Variants in ELF2 observed in about 807,000 individuals in gnomAD.
ELF2 encodes ETS-related transcription factor Elf-2.
ELF2 carries 11 observed loss-of-function variants against 54.8 expected under a neutral mutation model. The observed-to-expected ratio is 0.20, with a 90% confidence interval of 0.13 to 0.33. The LOEUF (loss-of-function observed/expected upper bound fraction) is 0.33, where lower values mean the gene tolerates loss of function less well. Ranked by LOEUF, ELF2 falls within the 10% of genes least tolerant of loss-of-function variation. ELF2 has a pLI of 1.00. For synonymous variants in ELF2, 203 were observed against 245.1 expected, an observed-to-expected ratio of 0.83 and a Z score of 1.61; for missense variants, 513 against 703.0, an observed-to-expected ratio of 0.73 and a Z score of 3.06.
chr4:139,170,263 T>C (rs936451058), intron 1 of ELF2, among the ~76,000 whole-genome samples: 2 of 88,980 alleles, frequency 2.2e-5, no homozygotes, highest in Non-Finnish European at 5.0e-5. Flanking sequence ...AATCGCCTTT[T>C]TTTTTTTTTT....
intron 1 of ELF2, among the ~76,000 whole-genome samples, chr4:139,154,979 T>C (rs1157625757): frequency 1.3e-5 from 2 of 152,184 alleles, no homozygotes; most frequent in Non-Finnish European, 2.9e-5. Flanking sequence ...CTCAAAATCA[T>C]CTTCGGAGAA....
chr4:139,169,155 C>T (rs1028765099), intron 1 of ELF2, among the ~76,000 whole-genome samples: 4 of 151,810 alleles, frequency 2.6e-5, no homozygotes, highest in African/African-American at 9.7e-5. Flanking sequence ...TAAGACCAAC[C>T]TGGCCAAAAT....
chr4:139,175,741 T>C (rs913806177), intron 1 of ELF2, among the ~76,000 whole-genome samples: 1 of 152,192 alleles, frequency 6.6e-6, no homozygotes, highest in Non-Finnish European at 1.5e-5. Flanking sequence ...CGGATTACAA[T>C]TTAAACCATT....
intron 8 of ELF2, 122 bp downstream of exon 8, chr4:139,061,742 TC>T: frequency 1.9e-6 from 2 of 1,066,138 alleles, no homozygotes; most frequent in Non-Finnish European, 2.6e-6. Context: ...TCTAAGAAGC[TC>T]CTCTAGAATA....
intron 3 of ELF2, among the ~76,000 whole-genome samples, chr4:139,132,141 G>A (rs767175049): frequency 6.6e-6 from 1 of 151,638 alleles, no homozygotes; most frequent in African/African-American, 2.4e-5. Context: ...CAATGATCCT[G>A]GTAATTAAGA....
At chr4:139,123,044 C>T (rs941371479) in intron 4 of ELF2, among the ~76,000 whole-genome samples, 3 of 151,496 alleles carry the variant, frequency 2.0e-5, no homozygotes, top group South Asian at 2.1e-4. Context: ...ATTAGCTGGG[C>T]GTGGTGGTGT....
rs563970784 is a variant in ELF2 at position 139,084,036 on chromosome 4, C to T, written c.239-10469G>A. 8 of 1,588,618 alleles carry T rather than the reference C, an allele frequency of 5.0e-6. No individual in the cohort carries two copies. The East Asian group carries it at 1.8e-4, about 36-fold the overall frequency. ...CAGTGACTGTGAGGTGGACACTGTA[C>T]CCCCAGCACAGACTGCTACAGGGGA... On this transcript the variant is annotated intron_variant, in intron 4 of 9. Transcript: ENST00000686138.
intron 1 of ELF2, among the ~76,000 whole-genome samples, chr4:139,156,806 G>C (rs1230984842): frequency 6.6e-6 from 1 of 151,838 alleles, no homozygotes; most frequent in Non-Finnish European, 1.5e-5. Flanking sequence ...GCTAATTTTT[G>C]TATTTTTAGT....
intron 4 of ELF2, among the ~76,000 whole-genome samples, chr4:139,082,310 T>C (rs1025673932): frequency 2.0e-5 from 3 of 152,170 alleles, no homozygotes; most frequent in African/African-American, 7.2e-5. Flanking sequence ...GTACCAATAA[T>C]ATAAAGCCAA....
intron 1 of ELF2, among the ~76,000 whole-genome samples, chr4:139,152,541 G>C (rs1740109280): frequency 1.3e-5 from 2 of 151,980 alleles, no homozygotes; most frequent in Admixed American, 1.3e-4. Context: ...ATGTTGCCCA[G>C]GTTGGTCTTG....
chr4:139,142,002 C>T (rs1738751442), intron 1 of ELF2, among the ~76,000 whole-genome samples: 1 of 152,086 alleles, frequency 6.6e-6, no homozygotes, highest in South Asian at 2.1e-4. Flanking sequence ...ACTAAATGAG[C>T]ACTATTATAT....
intron 1 of ELF2, among the ~76,000 whole-genome samples, chr4:139,147,532 C>T (rs780658961): frequency 6.6e-6 from 1 of 152,260 alleles, no homozygotes; most frequent in Non-Finnish European, 1.5e-5. Context: ...AGAGCAGTGG[C>T]GCGATCTCGG....
At chr4:139,152,196 T>C (rs1356212966) in intron 1 of ELF2, among the ~76,000 whole-genome samples, 3 of 152,232 alleles carry the variant, frequency 2.0e-5, no homozygotes, top group African/African-American at 7.2e-5. Context: ...GAGTGAATTT[T>C]ACTACATGTA....
intron 7 of ELF2, among the ~76,000 whole-genome samples, chr4:139,063,126 C>T (rs768206693): frequency 4.6e-5 from 7 of 152,048 alleles, no homozygotes; most frequent in Non-Finnish European, 7.4e-5. Context: ...CGCATGGTGG[C>T]GTGCACCTGT....
intron 4 of ELF2, among the ~76,000 whole-genome samples, chr4:139,106,327 T>C (rs1231731161): frequency 6.6e-6 from 1 of 151,622 alleles, no homozygotes; most frequent in African/African-American, 2.4e-5. Context: ...ATCCCTAGTA[T>C]GGATTATTAG....
chr4:139,106,635 A>G (rs1734436878), intron 4 of ELF2, among the ~76,000 whole-genome samples: 2 of 151,868 alleles, frequency 1.3e-5, no homozygotes, highest in South Asian at 4.1e-4. Context: ...TTGAAATTAT[A>G]GCAGTAAATT....
At chr4:139,146,160 A>G (rs1256446156) in intron 1 of ELF2, among the ~76,000 whole-genome samples, 4 of 152,240 alleles carry the variant, frequency 2.6e-5, no homozygotes, top group Admixed American at 6.5e-5. Context: ...TAGATTTGAT[A>G]AGTGAATTTA....
rs759463733 is a variant in ELF2 at position 139,059,257 on chromosome 4, T to C, written c.1508A>G (p.His503Arg). ...TGATAGTCTCATTACAGGTGTACCA[T>C]GGGCTATTGAAACAGGGGTAAGTGC... is the stretch of plus-strand genomic sequence containing the variant. ...VRALTPVSIA[H>R]GTPVMRLSMP... The change falls in exon 10 of 10, where the codon CAT (histidine) becomes CGT (arginine). Residue 503 changes from histidine to arginine, a missense_variant. Around this residue, in one of 3 missense-constraint regions of ELF2, gnomAD observed 291 missense variants for 366.1 expected, o/e 0.79. Transcript: ENST00000686138. 3 of 1,613,956 alleles carry C rather than the reference T, an allele frequency of 1.9e-6. No homozygotes were observed. Among genetic ancestry groups the C allele is most frequent in the East Asian group, 2.2e-5 (1 of 44,890 alleles).
intron 4 of ELF2, among the ~76,000 whole-genome samples, chr4:139,083,533 G>A (rs1731472982): frequency 6.6e-6 from 1 of 152,198 alleles, no homozygotes; most frequent in East Asian, 1.9e-4. Flanking sequence ...GGGAATGTGC[G>A]GAGGAGGGAG....
Sources: gnomAD v4.1 joint callset for allele counts (sites outside exome capture counted in the v4.1 genomes callset) on GRCh38, gnomAD v4.1.1 for gene constraint, gnomAD v4.1.1 regional missense constraint, MANE v1.5 for transcripts, NCBI Gene and HGNC (gene_info 2026-07-23, HGNC 2026-07-21) for gene names.